Variants in VPS39 observed in about 807,000 individuals in gnomAD.
The protein encoded by VPS39 is VPS39 subunit of HOPS complex.
A neutral mutation model predicts 121.0 loss-of-function variants in VPS39; 70 were observed. The ratio of observed to expected loss-of-function variants is 0.58; its 90% CI spans 0.48 to 0.71. VPS39 has a LOEUF of 0.71. Ranked by LOEUF, VPS39 falls within the 30% of genes least tolerant of loss-of-function variation. VPS39 has a pLI of 0.00. For synonymous variants in VPS39, 378 were observed against 398.1 expected (o/e 0.95, Z 0.60); for missense variants, 818 against 1,051.5 (o/e 0.78, Z 3.07).
intron 2 of VPS39, among the ~76,000 whole-genome samples, chr15:42,194,987 G>T (rs568632629): frequency 3.6e-4 from 54 of 151,916 alleles, no homozygotes; most frequent in African/African-American, 1.3e-3. Context: ...TGCAAACTTG[G>T]TTTTGTCCTT....
chr15:42,198,561 G>A (rs761301299), intron 2 of VPS39, among the ~76,000 whole-genome samples: 2 of 152,042 alleles, frequency 1.3e-5, no homozygotes, highest in African/African-American at 4.8e-5. Context: ...GGCTGGCCTC[G>A]AACTCCTGGC....
At chr15:42,199,374 G>A (rs1465956460) in intron 2 of VPS39, among the ~76,000 whole-genome samples, 5 of 152,060 alleles carry the variant, frequency 3.3e-5, no homozygotes, top group African/African-American at 9.7e-5. Flanking sequence ...AACTTTGTGG[G>A]GCAGAGAGTT....
At chr15:42,184,909 T>G (rs773147540) in intron 7 of VPS39, among the ~76,000 whole-genome samples, 3 of 152,266 alleles carry the variant, frequency 2.0e-5, no homozygotes, top group Non-Finnish European at 4.4e-5. Context: ...GCCTGGCAAC[T>G]GACAATGCCA....
chr15:42,170,539 A>G (rs930029589), intron 11 of VPS39, among the ~76,000 whole-genome samples: 1 of 152,120 alleles, frequency 6.6e-6, no homozygotes, highest in African/African-American at 2.4e-5. Context: ...TGTTGATTAA[A>G]CAAATTCACA....
At chr15:42,182,212 C>T (rs1255199567) in intron 8 of VPS39, among the ~76,000 whole-genome samples, 3 of 152,088 alleles carry the variant, frequency 2.0e-5, no homozygotes, top group African/African-American at 7.2e-5. Context: ...AAATTAAAAG[C>T]ATATTGTTTT....
Position 42,199,981 on chromosome 15 carries a change from CAAAAACA to C in VPS39, c.74-27_74-21del. 3 of 1,475,818 alleles carry C rather than the reference CAAAAACA, an allele frequency of 2.0e-6. No homozygotes were observed. The African/African-American group carries it at 4.7e-5, about 23-fold the overall frequency. 91.4% of individuals were successfully genotyped at this position (1,475,818 alleles called of 1,614,324 possible). ...ATTCCTCTGGAAAAACAAAACAAAA[CAAAAACA>C]AAAACAAAAAAAAACCAGCTTTGAG... On this transcript the variant is annotated intron_variant, in intron 1 of 24. Transcript: ENST00000318006.
chr15:42,165,764 A>G lies in VPS39; in HGVS notation c.1733T>C (p.Leu578Pro). The change falls in exon 17 of 25, where the codon CTC becomes CCC. Residue 578 changes from leucine to proline, a missense_variant. Transcript: ENST00000318006. ...CTTAAAATTCTCTATTAAGAAGCCG[A>G]GGACTCGATCACGTGGCAGAGACTC... ...EVESLPRDRV[L>P]GFLIENFKGL... 1 of 1,614,228 alleles carries G rather than the reference A, an allele frequency of 6.2e-7. No homozygotes were observed. The highest frequency in any genetic ancestry group is 8.5e-7 in the Non-Finnish European group (1 of 1,180,038).
At chr15:42,197,658 G>A (rs962947203) in intron 2 of VPS39, among the ~76,000 whole-genome samples, 9 of 152,138 alleles carry the variant, frequency 5.9e-5, no homozygotes, top group African/African-American at 2.2e-4. Context: ...ATAATTACTA[G>A]GCTAGACATA....
At chr15:42,173,003 G>T (rs951170130) in intron 11 of VPS39, among the ~76,000 whole-genome samples, 3 of 152,146 alleles carry the variant, frequency 2.0e-5, no homozygotes, top group Non-Finnish European at 4.4e-5. Flanking sequence ...GTATGATATA[G>T]AGTCAATCCA....
intron 1 of VPS39, among the ~76,000 whole-genome samples, chr15:42,207,065 C>G (rs944900300): frequency 6.6e-6 from 1 of 152,148 alleles, no homozygotes; most frequent in East Asian, 1.9e-4. Context: ...TGCACATTAA[C>G]ATGAAAATTC....
At position 42,184,639 on chromosome 15, in the gene VPS39, A is replaced by G; in HGVS notation, c.596T>C (p.Val199Ala). The change falls in exon 8 of 25, where the codon GTT becomes GCT. Residue 199 changes from valine to alanine, a missense_variant. Val to Ala is a moderately conservative substitution (Grantham distance 64). Coordinates refer to ENST00000318006, the MANE Select transcript of VPS39 (RefSeq NM_015289.5). ...FPTGKQLEPL[V>A]APLADGKVAV... ...CACTTTTCCATCTGCCAGAGGTGCA[A>G]CTAAGGGCTCCAGCTGTTTTCCTGT... 1.9e-6 allele frequency: 3 copies of G among 1,614,194 alleles called. No homozygotes were observed. Among genetic ancestry groups the G allele is most frequent in the Admixed American group, 1.7e-5 (1 of 60,020 alleles).
chr15:42,204,228 G>T (rs1048226106), intron 1 of VPS39, among the ~76,000 whole-genome samples: 1 of 152,160 alleles, frequency 6.6e-6, no homozygotes, highest in Non-Finnish European at 1.5e-5. Flanking sequence ...TTCTCATCTG[G>T]GCATAAGCCC....
chr15:42,202,233 G>A (rs1269183022), intron 1 of VPS39, among the ~76,000 whole-genome samples: 1 of 152,116 alleles, frequency 6.6e-6, no homozygotes, highest in Non-Finnish European at 1.5e-5. Context: ...AGGATCAATA[G>A]TATTTCTCCA....
Position 42,166,157 on chromosome 15 carries a change from A to AC in VPS39, c.1680+1dup. 1 of 1,614,084 alleles carries AC rather than the reference A, an allele frequency of 6.2e-7. No individual in the cohort carries two copies. The highest frequency in any genetic ancestry group is 1.1e-5 in the South Asian group (1 of 91,086). ...TAAATCCAAGGGACTCCTGTGGCTC[A>AC]CCTTCAGGCCATCTTCTGGGAAGTC... On this transcript the variant is annotated splice_donor_variant, in intron 16 of 24. Transcript: ENST00000318006. LOFTEE classifies it high-confidence loss of function.
intron 11 of VPS39, 199 bp downstream of exon 11, chr15:42,173,524 G>T: frequency 1.9e-6 from 1 of 539,316 alleles, no homozygotes; most frequent in Non-Finnish European, 3.0e-6. Flanking sequence ...CACATTTATT[G>T]AGAAGACCAG....
At chr15:42,165,890 C>T (rs1052478121) in intron 16 of VPS39, 74 bp from the exon 17 acceptor site, 165 of 1,413,548 alleles carry the variant, frequency 1.2e-4, no homozygotes, top group Non-Finnish European at 1.6e-4. Flanking sequence ...CGCATGTGAG[C>T]GCAGGGATCA....
intron 1 of VPS39, among the ~76,000 whole-genome samples, chr15:42,206,709 T>C (rs2050180408): frequency 6.6e-6 from 1 of 152,200 alleles, no homozygotes; most frequent in Non-Finnish European, 1.5e-5. Context: ...TTATAATCTG[T>C]TCACGTGTAT....
intron 23 of VPS39, 43 bp downstream of exon 23, chr15:42,161,989 A>T: frequency 6.2e-7 from 1 of 1,612,406 alleles, no homozygotes; most frequent in Non-Finnish European, 8.5e-7. Flanking sequence ...TCTCATACTA[A>T]AAGTTAAAAG....
At chr15:42,206,415 T>A (rs1163521361) in intron 1 of VPS39, among the ~76,000 whole-genome samples, 2 of 152,240 alleles carry the variant, frequency 1.3e-5, no homozygotes, top group Non-Finnish European at 2.9e-5. Flanking sequence ...GCATTTCTCC[T>A]GTTCGGTGGG....
Sources: gnomAD v4.1 joint callset for allele counts (sites outside exome capture counted in the v4.1 genomes callset) on GRCh38, gnomAD v4.1.1 for gene constraint, MANE v1.5 for transcripts, NCBI Gene and HGNC (gene_info 2026-07-23, HGNC 2026-07-21) for gene names.